EIF3B: variants seen among roughly 807,000 people sequenced by gnomAD.
EIF3B encodes the protein eukaryotic translation initiation factor 3 subunit 9.
EIF3B carries 10 observed loss-of-function variants against 104.6 expected under a neutral mutation model. The observed-to-expected ratio is 0.10, with a 90% CI of 0.06 to 0.16. The LOEUF (loss-of-function observed/expected upper bound fraction) is 0.16, where lower values mean the gene tolerates loss of function less well. Among genes scored for constraint, EIF3B ranks in the 10% least tolerant of loss-of-function variants. EIF3B has a pLI of 1.00. For missense variants in EIF3B, 1,014 were observed against 1,087.9 expected, an observed-to-expected ratio of 0.93 and a Z score of 0.96; for synonymous variants, 542 against 417.2, an observed-to-expected ratio of 1.30 and a Z score of -3.65.
intron 1 of EIF3B, among the ~76,000 whole-genome samples, chr7:2,357,803 G>C (rs748517748): frequency 6.6e-6 from 1 of 152,100 alleles, no homozygotes; most frequent in African/African-American, 2.4e-5. Context: ...CCTACGTGTG[G>C]GCAGTTTCTC....
chr7:2,376,784 G>A, intron 14 of EIF3B, 166 bp from the exon 15 acceptor site: 1 of 964,046 alleles, frequency 1.0e-6, no homozygotes, highest in Non-Finnish European at 1.5e-6. Context: ...TAATGGAGGT[G>A]TCTTGCATTG....
intron 1 of EIF3B, among the ~76,000 whole-genome samples, chr7:2,358,211 G>T (rs1442267677): frequency 6.6e-6 from 1 of 152,038 alleles, no homozygotes; most frequent in African/African-American, 2.4e-5. Flanking sequence ...AGCCTCCCAA[G>T]TAGCTGGGAT....
At chr7:2,379,727 C>G (rs954184533) in intron 18 of EIF3B, 1 of 541,378 alleles carries the variant, frequency 1.8e-6, no homozygotes, top group Non-Finnish European at 3.3e-6. Flanking sequence ...TGGCGCCTTT[C>G]AGGCAGTGCT....
intron 12 of EIF3B, chr7:2,373,749 A>G (rs1480160442): frequency 6.6e-6 from 1 of 152,232 alleles, no homozygotes; most frequent in East Asian, 1.9e-4. Context: ...TGTACCTTCC[A>G]AACATGCTGC....
At chr7:2,374,450 G>A (rs1205041977) in intron 12 of EIF3B, 78 bp from the exon 13 acceptor site, 5 of 1,450,074 alleles carry the variant, frequency 3.4e-6, no homozygotes, top group Non-Finnish European at 4.8e-6. Context: ...CATGAGCACG[G>A]CCAAGTCCTC....
chr7:2,363,853 C>T, intron 5 of EIF3B, 93 bp downstream of exon 5: 2 of 1,407,026 alleles, frequency 1.4e-6, no homozygotes, highest in Non-Finnish European at 9.6e-7. Context: ...ACTGGAAGAG[C>T]AGGTGACGTT....
chr7:2,370,889 C>T (rs1780297325), intron 10 of EIF3B, among the ~76,000 whole-genome samples: 1 of 152,110 alleles, frequency 6.6e-6, no homozygotes, highest in Non-Finnish European at 1.5e-5. Flanking sequence ...AGTAGAAACC[C>T]CGTCTCTACT....
intron 11 of EIF3B, 137 bp from the exon 12 acceptor site, chr7:2,372,536 T>A: frequency 9.3e-7 from 1 of 1,079,298 alleles, no homozygotes; most frequent in Non-Finnish European, 1.3e-6. Flanking sequence ...TGCTGTTGCT[T>A]GCTCTCCCGT....
intron 6 of EIF3B, among the ~76,000 whole-genome samples, chr7:2,366,040 A>G (rs1780008145): frequency 1.3e-5 from 2 of 152,074 alleles, no homozygotes; most frequent in South Asian, 2.1e-4. Context: ...AGAGTTCCAC[A>G]CTGCGCCACC....
intron 12 of EIF3B, 105 bp downstream of exon 12, chr7:2,372,900 AGGCCGGGACTCGCC>A: frequency 7.6e-7 from 1 of 1,308,728 alleles, no homozygotes; most frequent in Admixed American, 2.4e-5. Context: ...ACTGCTGGGC[AGGCCGGGACTCGCC>A]TATGAATGGG....
In EIF3B at chr7:2,360,717, G is replaced by A. The variant is rs1583152728; in HGVS notation, c.507G>A (p.Leu169=). 6.3e-7 allele frequency: 1 copy of A among 1,581,180 alleles called. No homozygotes were observed. The highest frequency in any genetic ancestry group is 8.6e-7 in the Non-Finnish European group (1 of 1,156,402). Reference sequence around the variant, plus strand: ...AAAATCTCTCTTGTTCAGAATTACTGGGAGATGTACTCAAAGATCGGCCCC... The same window carrying A: ...AAAATCTCTCTTGTTCAGAATTACTAGGAGATGTACTCAAAGATCGGCCCC... The part of the protein sequence containing the change: ...FVDDVSEEEL[L]GDVLKDRPQE... Residue 169 remains leucine, a synonymous_variant, in exon 2 of 19, where the codon CTG becomes CTA. Transcript: ENST00000360876.
intron 2 of EIF3B, 65 bp downstream of exon 2, chr7:2,360,967 A>G (rs1779694516): frequency 2.2e-6 from 3 of 1,374,554 alleles, no homozygotes; most frequent in African/African-American, 1.4e-5. Context: ...GGAGTGTTGC[A>G]GGAGATCCTT....
chr7:2,364,597 T>C, intron 6 of EIF3B, 68 bp downstream of exon 6: 9 of 1,417,540 alleles, frequency 6.3e-6, no homozygotes, highest in Middle Eastern at 2.2e-4. Flanking sequence ...ACAGGTGATC[T>C]TTCATTTTGT....
At chr7:2,376,104 G>T (rs1780614761) in intron 14 of EIF3B, 1 of 155,514 alleles carries the variant, frequency 6.4e-6, no homozygotes, top group Admixed American at 6.2e-5. Flanking sequence ...CAAGTGTCTA[G>T]AGTTAGAAAT....
chr7:2,368,943 G>T (rs535522753), intron 9 of EIF3B, among the ~76,000 whole-genome samples: 1 of 152,300 alleles, frequency 6.6e-6, no homozygotes, highest in Non-Finnish European at 1.5e-5. Flanking sequence ...AGCACATAGC[G>T]TGTATAAAGA....
chr7:2,363,839 G>C, intron 5 of EIF3B, 79 bp downstream of exon 5: 1 of 1,495,634 alleles, frequency 6.7e-7, no homozygotes, highest in Non-Finnish European at 9.0e-7. Flanking sequence ...GTTTCTATCA[G>C]AAAACTGGAA....
intron 5 of EIF3B, 57 bp from the exon 6 acceptor site, chr7:2,364,315 G>A (rs1417294906): frequency 3.5e-6 from 5 of 1,434,434 alleles, no homozygotes; most frequent in Non-Finnish European, 4.7e-6. Context: ...CATTGTAGGA[G>A]GGGTCTTTGT....
At chr7:2,377,222 A>G in intron 15 of EIF3B, 147 bp downstream of exon 15, 5 of 1,134,846 alleles carry the variant, frequency 4.4e-6, no homozygotes, top group South Asian at 1.6e-5. Flanking sequence ...ACGCAGGAAC[A>G]GTGAGAACTG....
At chr7:2,376,355 CTT>C (rs1780631660) in intron 14 of EIF3B, 1 of 143,728 alleles carries the variant, frequency 7.0e-6, no homozygotes, top group African/African-American at 2.6e-5. Context: ...AAAAAAAAGA[CTT>C]TTTAAGCTGT....
Sources: gnomAD v4.1 joint callset for allele counts (sites outside exome capture counted in the v4.1 genomes callset) on GRCh38, gnomAD v4.1.1 for gene constraint, MANE v1.5 for transcripts, NCBI Gene and HGNC (gene_info 2026-07-23, HGNC 2026-07-21) for gene names.